The following EPSTI1 variants were observed in gnomAD, a reference collection of about 807,000 sequenced individuals.
EPSTI1 encodes epithelial stromal interaction 1.
EPSTI1 carries 66 observed loss-of-function variants against 49.9 expected under a neutral mutation model. The observed-to-expected ratio is 1.32, with a 90% CI of 1.08 to 1.62. EPSTI1 has a LOEUF of 1.62. Among genes scored for constraint, EPSTI1 ranks in the 40% most tolerant of loss-of-function variants. EPSTI1 has a pLI of 0.00. For missense variants in EPSTI1, 394 were observed against 365.5 expected (o/e 1.08, Z -0.64); for synonymous variants, 137 against 130.7 (o/e 1.05, Z -0.33).
At chr13:42,926,050 AGGAAGGAT>A (rs1308536823) in intron 7 of EPSTI1, among the ~76,000 whole-genome samples, 1 of 152,088 alleles carries the variant, frequency 6.6e-6, no homozygotes, top group Non-Finnish European at 1.5e-5. Context: ...GAAGGAAGGT[AGGAAGGAT>A]GGAAGGATGG....
intron 8 of EPSTI1, among the ~76,000 whole-genome samples, chr13:42,911,148 G>A (rs916963462): frequency 6.6e-6 from 1 of 152,134 alleles, no homozygotes; most frequent in African/African-American, 2.4e-5. Context: ...GCTATTAAGA[G>A]AAAAATTTCA....
chr13:42,979,790 T>C (rs1468028562), intron 1 of EPSTI1, among the ~76,000 whole-genome samples: 1 of 152,152 alleles, frequency 6.6e-6, no homozygotes, highest in African/African-American at 2.4e-5. Context: ...ATGTATCTCC[T>C]AAAAATAAAA....
At chr13:42,944,804 A>G (rs9525712) in intron 6 of EPSTI1, among the ~76,000 whole-genome samples, 50,865 of 152,100 alleles carry the variant, frequency 0.33, 8,996 homozygotes, top group East Asian at 0.57. Flanking sequence ...CAAAAACAAG[A>G]TCACTCTATA....
At chr13:42,936,748 G>C (rs1029452418) in intron 6 of EPSTI1, among the ~76,000 whole-genome samples, 1 of 152,158 alleles carries the variant, frequency 6.6e-6, no homozygotes, top group Non-Finnish European at 1.5e-5. Flanking sequence ...CCAAATTCGT[G>C]TGTACAACTG....
chr13:42,952,869 G>A (rs1387721634), intron 6 of EPSTI1, among the ~76,000 whole-genome samples: 2 of 152,212 alleles, frequency 1.3e-5, no homozygotes, highest in Non-Finnish European at 2.9e-5. Context: ...GCTTATGATA[G>A]AGGCAGGATA....
chr13:42,900,149 G>A (rs2037313045), intron 9 of EPSTI1, among the ~76,000 whole-genome samples, 161 bp downstream of exon 9: 1 of 152,056 alleles, frequency 6.6e-6, no homozygotes, highest in South Asian at 2.1e-4. Context: ...TGTAGCAGTT[G>A]GCATACCTCT....
intron 1 of EPSTI1, among the ~76,000 whole-genome samples, chr13:42,975,673 T>C (rs1405973473): frequency 2.0e-5 from 3 of 152,182 alleles, no homozygotes; most frequent in Non-Finnish European, 4.4e-5. Flanking sequence ...CTAAGATACA[T>C]GGTTTGGTAT....
intron 1 of EPSTI1, among the ~76,000 whole-genome samples, chr13:42,985,063 A>C (rs4245318): frequency 0.62 from 94,750 of 152,134 alleles, 30,168 homozygotes; most frequent in Non-Finnish European, 0.67. Context: ...GTGAAGGATG[A>C]AAGTGGGAGC....
intron 9 of EPSTI1, among the ~76,000 whole-genome samples, chr13:42,895,741 C>T (rs1216651459): frequency 6.6e-6 from 1 of 152,128 alleles, no homozygotes; most frequent in East Asian, 1.9e-4. Context: ...TCACAGGTAA[C>T]GTCGTGCTCT....
intron 7 of EPSTI1, among the ~76,000 whole-genome samples, chr13:42,925,822 G>A (rs574323488): frequency 1.4e-4 from 22 of 152,110 alleles, no homozygotes; most frequent in Non-Finnish European, 2.6e-4. Context: ...AGCATCTAAC[G>A]CACATGGTCT....
chr13:42,909,575 A>G (rs552404666), intron 8 of EPSTI1, among the ~76,000 whole-genome samples: 4 of 150,306 alleles, frequency 2.7e-5, no homozygotes, highest in African/African-American at 4.8e-5. Flanking sequence ...TGGGATATAC[A>G]CACAATGGAA....
rs1287603054 is a variant in EPSTI1 at position 42,922,852 on chromosome 13, A to C, written c.657+3484T>G. 1.3e-5 allele frequency among the ~76,000 whole-genome samples: 2 copies of C among 152,220 alleles called. No homozygotes were observed. Among genetic ancestry groups the C allele is most frequent in the Non-Finnish European group, 2.9e-5 (2 of 68,040 alleles). On this transcript the variant is annotated intron_variant, in intron 7 of 10. Coordinates refer to ENST00000313624, the MANE Select transcript of EPSTI1 (RefSeq NM_033255.5). This position sits in a 1 kb window ranked among gnomAD's most constrained non-coding sequence, Gnocchi z 4.8. The stretch of plus-strand genomic sequence containing the variant: ...AGCTATAGAGCTTGGCCCCTCAGAC[A>C]TTAACGTGCACACACATCTTCCATG...
Position 42,969,155 on chromosome 13 carries a change from G to A in EPSTI1, c.270C>T (p.Asn90=), listed in dbSNP as rs1003772924. 2 of 1,614,032 alleles carry A rather than the reference G, an allele frequency of 1.2e-6. No homozygotes were observed. The highest frequency in any genetic ancestry group is 1.7e-6 in the Non-Finnish European group (2 of 1,179,996). The change falls in exon 3 of 11, where the codon AAC becomes AAT. Residue 90 remains asparagine (N), a synonymous_variant. Coordinates refer to ENST00000313624, the MANE Select transcript of EPSTI1 (RefSeq NM_033255.5). The stretch of plus-strand genomic sequence containing the variant: ...TGTTCTGCTCCTTCCACTTCTCCAG[G>A]TTGGCCAGCTCCTGCTCCGCAACTA... The part of the protein sequence containing the change: ...IQRIAEQELA[N]LEKWKEQNRA...
intron 8 of EPSTI1, among the ~76,000 whole-genome samples, chr13:42,910,041 A>G (rs2037619576): frequency 6.6e-6 from 1 of 152,160 alleles, no homozygotes; most frequent in African/African-American, 2.4e-5. Flanking sequence ...ACTTCAAAAT[A>G]TCATATTGAA....
intron 6 of EPSTI1, among the ~76,000 whole-genome samples, chr13:42,931,940 G>A (rs985856913): frequency 3.9e-5 from 6 of 151,988 alleles, no homozygotes; most frequent in African/African-American, 1.5e-4. Context: ...TTCTAATATA[G>A]GTTCCCATAA....
At chr13:42,896,727 C>T (rs1367720373) in intron 9 of EPSTI1, among the ~76,000 whole-genome samples, 1 of 152,156 alleles carries the variant, frequency 6.6e-6, no homozygotes, top group Non-Finnish European at 1.5e-5. Context: ...TAGAATAAAA[C>T]TGGCTTATAA....
rs1462576025 is a variant in EPSTI1 at position 42,966,620 on chromosome 13, C to T, written c.331+2474G>A. 1.6e-3 allele frequency among the ~76,000 whole-genome samples: 103 copies of T among 65,932 alleles called. 30 individuals are homozygous for T. Among genetic ancestry groups the T allele is most frequent in the African/African-American group, 3.5e-3 (74 of 21,326 alleles). 43.3% of individuals were successfully genotyped at this position (65,932 alleles called of 152,430 possible). ...CCGTCTGAGAAGTGAGGAGCCTCTC[C>T]GCCCGGCAGCCACCCCATCTGGGAA... On this transcript the variant is annotated intron_variant, in intron 3 of 10. Coordinates refer to ENST00000313624, the MANE Select transcript of EPSTI1 (RefSeq NM_033255.5).
chr13:42,938,603 G>A (rs1428481619), intron 6 of EPSTI1, among the ~76,000 whole-genome samples: 3 of 151,978 alleles, frequency 2.0e-5, no homozygotes, highest in Non-Finnish European at 2.9e-5. Flanking sequence ...ATAGAAGGCC[G>A]TTTCATCTAC....
chr13:42,890,286 T>TTTTTCTTTTCTTTTC, intron 10 of EPSTI1, among the ~76,000 whole-genome samples: 1 of 135,490 alleles, frequency 7.4e-6, no homozygotes, highest in African/African-American at 2.7e-5. Flanking sequence ...TTAAGAATTT[T>TTTTTCTTTTCTTTTC]TTTTCTTTTC....
Sources: allele counts gnomAD v4.1 joint callset (sites outside exome capture counted in the v4.1 genomes callset), GRCh38; gene constraint gnomAD v4.1.1; non-coding constraint Gnocchi (gnomAD v3.1); transcripts MANE v1.5; gene names NCBI Gene and HGNC (gene_info 2026-07-23, HGNC 2026-07-21).